Variants in GRM5 observed in about 807,000 individuals in gnomAD.
GRM5 encodes metabotropic glutamate receptor 5.
In GRM5, 19 loss-of-function variants were observed where a neutral mutation model predicts 83.1. The observed-to-expected ratio is 0.23, with a 90% CI of 0.16 to 0.34. The LOEUF is 0.34. GRM5 is among the 10% of genes least tolerant of loss of function. GRM5 has a pLI of 1.00. For missense variants in GRM5, 1,160 were observed against 1,588.3 expected, an observed-to-expected ratio of 0.73 and a Z score of 4.58; for synonymous variants, 675 against 633.6, an observed-to-expected ratio of 1.07 and a Z score of -0.98.
chr11:88,951,186 C>G (rs948910885), intron 2 of GRM5, among the ~76,000 whole-genome samples: 2 of 152,134 alleles, frequency 1.3e-5, no homozygotes, highest in African/African-American at 4.8e-5. Flanking sequence ...AAAAACTGTG[C>G]TGAATTGAAA....
intron 2 of GRM5, among the ~76,000 whole-genome samples, chr11:89,025,929 A>G (rs189784250): frequency 1.3e-4 from 20 of 152,334 alleles, no homozygotes; most frequent in African/African-American, 4.6e-4. Context: ...CATAGAATCA[A>G]CTTAGATGCT....
At chr11:88,702,842 C>T (rs1319882444) in intron 3 of GRM5, among the ~76,000 whole-genome samples, 1 of 152,062 alleles carries the variant, frequency 6.6e-6, no homozygotes, top group Non-Finnish European at 1.5e-5. Flanking sequence ...CATGAGTAGG[C>T]AGCTTGAGGT....
chr11:88,910,195 T>A (rs1446732848), intron 2 of GRM5, among the ~76,000 whole-genome samples: 1 of 152,112 alleles, frequency 6.6e-6, no homozygotes, highest in Non-Finnish European at 1.5e-5. Context: ...ATCTAGTTTA[T>A]TTTTTCAGTC....
chr11:88,674,204 CT>C lies in GRM5; in HGVS notation c.912-20802del, dbSNP rs561831385. Among the ~76,000 whole-genome samples, 301 of 151,932 alleles carry C rather than the reference CT, an allele frequency of 2.0e-3. 2 individuals carry two copies. The highest frequency in any genetic ancestry group is 5.8e-4 in the East Asian group (3 of 5,174). ...TCTCCTGGAAAATCTCATCCCATGG[CT>C]TCTATAGTAACAAATTCTCCTAACA... On this transcript the variant is annotated intron_variant, in intron 3 of 9. Transcript: ENST00000305447.
intron 2 of GRM5, among the ~76,000 whole-genome samples, chr11:88,862,040 T>C (rs754886767): frequency 6.6e-6 from 1 of 152,142 alleles, no homozygotes; most frequent in Non-Finnish European, 1.5e-5. Flanking sequence ...CTATGAATCA[T>C]TGTGTATAGC....
chr11:88,723,453 T>C (rs574904818), intron 3 of GRM5, among the ~76,000 whole-genome samples: 4 of 152,262 alleles, frequency 2.6e-5, no homozygotes. Context: ...AGGAAACTGT[T>C]TGTTCGTTTG....
chr11:88,921,384 GA>G (rs1228639483), intron 2 of GRM5, among the ~76,000 whole-genome samples: 1 of 152,196 alleles, frequency 6.6e-6, no homozygotes, highest in African/African-American at 2.4e-5. Flanking sequence ...AGCACTTTGG[GA>G]GGCCGAGGCG....
chr11:88,837,418 TA>T (rs1241122560), intron 3 of GRM5, among the ~76,000 whole-genome samples: 1 of 152,188 alleles, frequency 6.6e-6, no homozygotes, highest in Non-Finnish European at 1.5e-5. Flanking sequence ...AGAATTGCTA[TA>T]AAAAGTCAAT....
At chr11:88,943,259 T>A (rs1389321398) in intron 2 of GRM5, among the ~76,000 whole-genome samples, 1 of 152,118 alleles carries the variant, frequency 6.6e-6, no homozygotes, top group Non-Finnish European at 1.5e-5. Flanking sequence ...AACATAACTT[T>A]CATTTGTGAA....
chr11:88,768,476 T>C (rs759382938), intron 3 of GRM5, among the ~76,000 whole-genome samples: 3 of 151,870 alleles, frequency 2.0e-5, no homozygotes, highest in South Asian at 4.1e-4. Context: ...TTAATAGGTA[T>C]AGAGGTTCAC....
chr11:88,576,719 T>G (rs931286174), intron 7 of GRM5, among the ~76,000 whole-genome samples: 10 of 152,292 alleles, frequency 6.6e-5, no homozygotes, highest in African/African-American at 2.4e-4. Flanking sequence ...AAAAGGTCAG[T>G]GAAGCAATTT....
chr11:88,635,765 A>G (rs1376610451), intron 4 of GRM5, among the ~76,000 whole-genome samples: 1 of 152,122 alleles, frequency 6.6e-6, no homozygotes, highest in African/African-American at 2.4e-5. Flanking sequence ...CGTCCAGGCC[A>G]CTATCAGGAA....
At chr11:88,884,912 C>T (rs1044975173) in intron 2 of GRM5, among the ~76,000 whole-genome samples, 11 of 152,030 alleles carry the variant, frequency 7.2e-5, no homozygotes, top group African/African-American at 2.7e-4. Context: ...TATAAATTAC[C>T]CAGTCTTGGA....
chr11:88,704,058 A>G (rs930061002), intron 3 of GRM5, among the ~76,000 whole-genome samples: 5 of 152,030 alleles, frequency 3.3e-5, no homozygotes, highest in African/African-American at 7.2e-5. Flanking sequence ...CTCTCACTAT[A>G]TCTTCAGATG....
chr11:88,763,421 C>T (rs1942568675), intron 3 of GRM5, among the ~76,000 whole-genome samples: 2 of 151,726 alleles, frequency 1.3e-5, no homozygotes, highest in Admixed American at 1.3e-4. Context: ...TTCTTGTTTT[C>T]TACATGACTA....
chr11:88,713,529 T>G (rs1029092511), intron 3 of GRM5, among the ~76,000 whole-genome samples: 1 of 152,050 alleles, frequency 6.6e-6, no homozygotes, highest in African/African-American at 2.4e-5. Context: ...CTATATCTGC[T>G]ACATAGTGAC....
At chr11:88,812,169 A>G (rs80306082) in intron 3 of GRM5, among the ~76,000 whole-genome samples, 7,957 of 152,224 alleles carry the variant, frequency 0.052, 640 homozygotes, top group African/African-American at 0.17. Flanking sequence ...AGTAAATACT[A>G]TATTTCGATA....
intron 4 of GRM5, among the ~76,000 whole-genome samples, chr11:88,631,329 T>G (rs1277748082): frequency 6.6e-6 from 1 of 152,198 alleles, no homozygotes; most frequent in African/African-American, 2.4e-5. Context: ...AAATGTTATA[T>G]TCTAGTAATA....
intron 3 of GRM5, among the ~76,000 whole-genome samples, chr11:88,819,060 C>A (rs2135506976): frequency 6.6e-6 from 1 of 152,192 alleles, no homozygotes; most frequent in East Asian, 1.9e-4. Context: ...AGGTGAAGGA[C>A]AAATTTCAAA....
Sources: gnomAD v4.1 joint callset for allele counts (sites outside exome capture counted in the v4.1 genomes callset) on GRCh38, gnomAD v4.1.1 for gene constraint, MANE v1.5 for transcripts, NCBI Gene and HGNC (gene_info 2026-07-23, HGNC 2026-07-21) for gene names.